Variants in SCAPER observed in about 807,000 individuals in gnomAD.
SCAPER encodes S phase cyclin A-associated protein in the endoplasmic reticulum.
In SCAPER, 98 loss-of-function variants were observed where a neutral mutation model predicts 182.2. The observed-to-expected ratio is 0.54, with a 90% CI of 0.46 to 0.64. The LOEUF (loss-of-function observed/expected upper bound fraction) is 0.64. SCAPER is among the 30% of genes least tolerant of loss of function. The pLI, the probability that SCAPER is intolerant of heterozygous loss-of-function variation, is 0.00. For synonymous variants in SCAPER, 605 were observed against 564.6 expected, an observed-to-expected ratio of 1.07 and a Z score of -1.01; for missense variants, 1,432 against 1,690.0, an observed-to-expected ratio of 0.85 and a Z score of 2.68.
intron 14 of SCAPER, among the ~76,000 whole-genome samples, chr15:76,759,184 T>C (rs1418377301): frequency 6.6e-6 from 1 of 152,186 alleles, no homozygotes; most frequent in Non-Finnish European, 1.5e-5. Context: ...TTCCCAATTA[T>C]GATGTTAACT....
At chr15:76,429,067 C>G (rs1460075389) in intron 26 of SCAPER, among the ~76,000 whole-genome samples, 1 of 151,446 alleles carries the variant, frequency 6.6e-6, no homozygotes, top group Non-Finnish European at 1.5e-5. Context: ...ATAAGTCTCA[C>G]GAGATCTGGT....
chr15:76,832,653 A>C (rs2068587336), intron 5 of SCAPER, among the ~76,000 whole-genome samples: 1 of 152,190 alleles, frequency 6.6e-6, no homozygotes, highest in Non-Finnish European at 1.5e-5. Flanking sequence ...CTGAATCATG[A>C]GGGTGAATCC....
At chr15:76,768,589 G>A (rs866926926) in intron 10 of SCAPER, among the ~76,000 whole-genome samples, 3 of 152,118 alleles carry the variant, frequency 2.0e-5, no homozygotes, top group Non-Finnish European at 2.9e-5. Context: ...TGATGAAAGA[G>A]TGCTAAAGCT....
chr15:76,858,631 C>G (rs2071606865), intron 3 of SCAPER, among the ~76,000 whole-genome samples: 1 of 152,160 alleles, frequency 6.6e-6, no homozygotes, highest in Non-Finnish European at 1.5e-5. Flanking sequence ...CCTCTACCCT[C>G]AAGTAGGCCC....
intron 7 of SCAPER, among the ~76,000 whole-genome samples, chr15:76,798,805 C>G (rs2065529120): frequency 6.6e-6 from 1 of 152,088 alleles, no homozygotes; most frequent in East Asian, 1.9e-4. Flanking sequence ...ACAAAACTGC[C>G]CTTCAAAAAC....
intron 23 of SCAPER, among the ~76,000 whole-genome samples, chr15:76,540,328 G>A (rs961622085): frequency 6.6e-6 from 1 of 151,904 alleles, no homozygotes; most frequent in Non-Finnish European, 1.5e-5. Flanking sequence ...CTTGAGCCCA[G>A]GAGTTCAAGG....
At chr15:76,388,338 C>G (rs535209061) in intron 27 of SCAPER, among the ~76,000 whole-genome samples, 1 of 152,054 alleles carries the variant, frequency 6.6e-6, no homozygotes, top group Non-Finnish European at 1.5e-5. Context: ...CGCCTATAGT[C>G]CCAGCTGCTT....
At chr15:76,843,920 A>G (rs1353809183) in intron 4 of SCAPER, among the ~76,000 whole-genome samples, 1 of 152,178 alleles carries the variant, frequency 6.6e-6, no homozygotes, top group Admixed American at 6.5e-5. Context: ...AACATTCATG[A>G]TATACTTGCT....
chr15:76,792,724 C>A (rs1460726001), intron 8 of SCAPER, among the ~76,000 whole-genome samples: 1 of 152,188 alleles, frequency 6.6e-6, no homozygotes. Flanking sequence ...AAAGCCAGTA[C>A]CAAGCCTTCA....
rs924491184 is a variant in SCAPER, at chr15:76,890,625, C to A, written c.-59-6749G>T. On this transcript the variant is annotated intron_variant, in intron 1 of 31. Transcript: ENST00000563290. ...TTCCCAAGACTAAACCAGGAAGAAG[C>A]TGAATCTCTGAATAGACCAATAACG... 2.6e-5 allele frequency among the ~76,000 whole-genome samples: 4 copies of A among 152,216 alleles called. No homozygotes were observed. In the East Asian group the frequency reaches 7.7e-4, roughly 29 times the overall value.
chr15:76,774,754 A>C, intron 9 of SCAPER, 101 bp downstream of exon 9: 1 of 1,305,278 alleles, frequency 7.7e-7, no homozygotes, highest in South Asian at 1.6e-5. Flanking sequence ...GAAAATTTTC[A>C]CAGTAAGTTA....
chr15:76,597,211 A>T lies in SCAPER; in HGVS notation c.2712-22927T>A, dbSNP rs1457052744. ...GAGTGAACTCCCATTCACAATTGCT[A>T]CAAAGAGAATAAAATACCTAGCAAA... On this transcript the variant is annotated intron_variant, in intron 22 of 31. Coordinates refer to ENST00000563290, the MANE Select transcript of SCAPER (RefSeq NM_020843.4). 2.5e-5 allele frequency among the ~76,000 whole-genome samples: 3 copies of T among 121,396 alleles called. 1 individual carries two copies. Among genetic ancestry groups the T allele is most frequent in the East Asian group, 2.2e-4 (1 of 4,552 alleles). 79.6% of individuals were successfully genotyped at this position (121,396 alleles called of 152,430 possible).
In SCAPER at chr15:76,465,053, G is replaced by A. The variant is rs115445349; in HGVS notation, c.3078+6159C>T. Reference sequence around the variant, plus strand: ...TTTCTTTGAAGAAATGTCTATTTAAGCCCTTTTCTCATTTTTAATTGATTA... The same window carrying A: ...TTTCTTTGAAGAAATGTCTATTTAAACCCTTTTCTCATTTTTAATTGATTA... On this transcript the variant is annotated intron_variant, in intron 25 of 31. Coordinates refer to ENST00000563290, the MANE Select transcript of SCAPER (RefSeq NM_020843.4). Among the ~76,000 whole-genome samples, 1,242 of 152,114 alleles carry A rather than the reference G, an allele frequency of 8.2e-3. 12 individuals are homozygous for A. The highest frequency in any genetic ancestry group is 0.028 in the African/African-American group (1,178 of 41,502).
At chr15:76,674,856 A>G (rs1244890354) in intron 20 of SCAPER, among the ~76,000 whole-genome samples, 5 of 151,662 alleles carry the variant, frequency 3.3e-5, no homozygotes, top group Non-Finnish European at 7.4e-5. Flanking sequence ...ATATGTATAC[A>G]TTGGCACGCA....
chr15:76,615,888 C>T (rs752760938), intron 22 of SCAPER, among the ~76,000 whole-genome samples: 6 of 150,588 alleles, frequency 4.0e-5, no homozygotes, highest in East Asian at 1.9e-4. Context: ...CATCACTAAT[C>T]GTTAGGTAAA....
At chr15:76,367,987 C>A (rs748573363) in intron 29 of SCAPER, among the ~76,000 whole-genome samples, 1 of 152,088 alleles carries the variant, frequency 6.6e-6, no homozygotes, top group Admixed American at 6.5e-5. Flanking sequence ...GGTTGCACTG[C>A]TGAAACTCAG....
At chr15:76,449,470 T>C (rs1461569853) in intron 25 of SCAPER, among the ~76,000 whole-genome samples, 1 of 152,238 alleles carries the variant, frequency 6.6e-6, no homozygotes, top group Non-Finnish European at 1.5e-5. Flanking sequence ...TACTGAATTT[T>C]AGTATGGCTT....
At chr15:76,843,929 C>CT (rs1381273738) in intron 4 of SCAPER, among the ~76,000 whole-genome samples, 1 of 152,092 alleles carries the variant, frequency 6.6e-6, no homozygotes, top group Admixed American at 6.5e-5. Flanking sequence ...GATATACTTG[C>CT]TATGTGCCAA....
chr15:76,404,413 A>C, intron 27 of SCAPER, 111 bp downstream of exon 27: 1 of 1,087,416 alleles, frequency 9.2e-7, no homozygotes, highest in Non-Finnish European at 1.3e-6. Context: ...AACAAAGAGG[A>C]AAGATGGCCA....
Sources: allele counts gnomAD v4.1 joint callset (sites outside exome capture counted in the v4.1 genomes callset), GRCh38; gene constraint gnomAD v4.1.1; transcripts MANE v1.5; gene names NCBI Gene and HGNC (gene_info 2026-07-23, HGNC 2026-07-21).